The following PKD1L3 variants were observed in gnomAD, a reference collection of about 807,000 sequenced individuals.
PKD1L3 encodes polycystin 1 like 3, transient receptor potential channel interacting, also known as polycystin-1-like protein 3.
In PKD1L3, 239 loss-of-function variants were observed where a neutral mutation model predicts 184.1. The ratio of observed to expected loss-of-function variants is 1.30; its 90% CI spans 1.17 to 1.45. PKD1L3 has a LOEUF of 1.45. Among genes scored for constraint, PKD1L3 ranks in the 40% most tolerant of loss-of-function variants. The probability of loss-of-function intolerance (pLI) is 0.00; values close to 1 mark genes in which losing one functional copy is unlikely to be tolerated. For missense variants in PKD1L3, 2,660 were observed against 2,067.2 expected, an observed-to-expected ratio of 1.29 and a Z score of -5.56; for synonymous variants, 996 against 778.8, an observed-to-expected ratio of 1.28 and a Z score of -4.64.
Position 71,954,133 on chromosome 16 carries a change from G to C in PKD1L3, c.2781C>G (p.Asn927Lys), listed in dbSNP as rs1567509363. ...GCTCATCTCTCTTGGCAGTGGTGCT[G>C]TTTATCTTCCAGAACATAACATTGA... ...MVINVMFWKI[N>K]STTAKRDEQM... The change falls in exon 17 of 30, where the codon AAC becomes AAG. Residue 927 changes from asparagine (N) to lysine (K), a missense_variant. Physicochemically the swap from Asn to Lys is moderately conservative, Grantham distance 94 (BLOSUM62 0). Coordinates refer to ENST00000620267, the MANE Select transcript of PKD1L3 (RefSeq NM_181536.2). 6.5e-7 allele frequency: 1 copy of C among 1,547,822 alleles called. No individual in the cohort carries two copies. Among genetic ancestry groups the C allele is most frequent in the Non-Finnish European group, 8.7e-7 (1 of 1,145,552 alleles).
Position 71,984,128 on chromosome 16 carries a change from G to A in PKD1L3, c.874C>T (p.His292Tyr). ...AGTTTGTTAAGAGCTTGCAAACCAT[G>A]AACTGCTCTGCTGAAGTTCCCTGCT... Reference protein sequence around the residue: ...EIAGNFSRAVHGLQALNKLQE... With the variant: ...EIAGNFSRAVYGLQALNKLQE... Residue 292 changes from histidine to tyrosine, a missense_variant, in exon 6 of 30, where the codon CAT becomes TAT. Physicochemically the swap from His to Tyr is moderately conservative, Grantham distance 83. Transcript: ENST00000620267. 2.6e-6 allele frequency: 4 copies of A among 1,551,870 alleles called. No homozygotes were observed. Among genetic ancestry groups the A allele is most frequent in the South Asian group, 1.2e-5 (1 of 84,042 alleles).
At chr16:71,990,414 C>T in intron 3 of PKD1L3, 85 bp from the exon 4 acceptor site, 1 of 1,165,484 alleles carries the variant, frequency 8.6e-7, no homozygotes, top group Non-Finnish European at 1.2e-6. Context: ...TTATTCATGG[C>T]TAAAAATAAT....
At chr16:71,955,042 G>GA (rs150224786) in intron 16 of PKD1L3, among the ~76,000 whole-genome samples, 7,979 of 152,008 alleles carry the variant, frequency 0.052, 721 homozygotes, top group African/African-American at 0.18. Flanking sequence ...AAGGAGGTGA[G>GA]AAAAAAAGGA....
intron 28 of PKD1L3, chr16:71,931,126 T>A (rs186938773): frequency 6.6e-6 from 1 of 152,374 alleles, no homozygotes; most frequent in African/African-American, 2.4e-5. Flanking sequence ...TTATGTTTAC[T>A]GTATTTTTAT....
At chr16:71,938,348 G>C (rs945272929) in intron 24 of PKD1L3, among the ~76,000 whole-genome samples, 3 of 152,246 alleles carry the variant, frequency 2.0e-5, no homozygotes, top group African/African-American at 7.2e-5. Context: ...GGAGGGTAAG[G>C]GGGGGCTGAG....
chr16:71,977,958 G>C (rs555321101), intron 10 of PKD1L3, among the ~76,000 whole-genome samples: 4 of 152,158 alleles, frequency 2.6e-5, no homozygotes, highest in East Asian at 1.9e-4. Flanking sequence ...ATTTTTAGTA[G>C]AGATGGGGTT....
At chr16:71,972,741 C>A (rs945492628) in intron 12 of PKD1L3, among the ~76,000 whole-genome samples, 1 of 152,160 alleles carries the variant, frequency 6.6e-6, no homozygotes, top group African/African-American at 2.4e-5. Flanking sequence ...ACTTTCTCAG[C>A]TCTTTTTAGA....
Position 71,998,380 on chromosome 16 carries a change from T to G in PKD1L3, c.310A>C (p.Asn104His). Residue 104 changes from asparagine to histidine, a missense_variant, in exon 2 of 30, where the codon AAC becomes CAC. Physicochemically the swap from Asn to His is moderately conservative, Grantham distance 68. Transcript: ENST00000620267. ...CAGCTGAGGGGCTTTGGGGGCCCGT[T>G]GGCTGCAACGTCTGCTGAGGGGAGA... ...DNKYPADVAA[N>H]GPPKPLSCTY... is the part of the protein sequence containing the mutation. 1 of 1,551,590 alleles carries G rather than the reference T, an allele frequency of 6.4e-7. No homozygotes were observed. The highest frequency in any genetic ancestry group is 1.2e-5 in the South Asian group (1 of 84,056).
intron 24 of PKD1L3, among the ~76,000 whole-genome samples, chr16:71,938,475 G>C (rs561275328): frequency 1.3e-5 from 2 of 152,370 alleles, no homozygotes; most frequent in South Asian, 4.1e-4. Context: ...CAGGTCCCCA[G>C]TAAAGCCCCA....
At chr16:71,983,659 CTTTCTTTT>C (rs1190179144) in intron 6 of PKD1L3, among the ~76,000 whole-genome samples, 6 of 92,434 alleles carry the variant, frequency 6.5e-5, no homozygotes, top group East Asian at 6.8e-4. Flanking sequence ...TCCAGATTCT[CTTTCTTTT>C]TTTTTTTTTT....
intron 25 of PKD1L3, 104 bp from the exon 26 acceptor site, chr16:71,935,622 C>G: frequency 9.3e-7 from 1 of 1,079,726 alleles, no homozygotes; most frequent in Non-Finnish European, 1.3e-6. Context: ...GCAAAGCACA[C>G]TGCCAGGCAT....
Position 71,951,606 on chromosome 16 carries a change from C to T in PKD1L3, c.3148G>A (p.Gly1050Ser). Reference protein sequence around the residue: ...LSSLVSSHLEGQGCHQQGERH... With the variant: ...LSSLVSSHLESQGCHQQGERH... ...TCTCCCTGCTGATGACAGCCTTGAC[C>T]CTCCAAGTGAGATGATACGAGGCTG... The change falls in exon 19 of 30, where the codon GGT becomes AGT. Residue 1050 changes from glycine (G) to serine (S), a missense_variant. By Grantham distance (56) the Gly-to-Ser change is moderately conservative (BLOSUM62 0). Transcript: ENST00000620267. 2 of 1,551,734 alleles carry T rather than the reference C, an allele frequency of 1.3e-6. No homozygotes were observed. The highest frequency in any genetic ancestry group is 1.7e-6 in the Non-Finnish European group (2 of 1,146,962).
At position 71,978,245 on chromosome 16, in the gene PKD1L3, C is replaced by T. The variant is rs1597354703; in HGVS notation, c.1527+10G>A. 1 of 1,546,600 alleles carries T rather than the reference C, an allele frequency of 6.5e-7. No homozygotes were observed. The highest frequency in any genetic ancestry group is 2.5e-5 in the East Asian group (1 of 40,672). Reference sequence around the variant, plus strand: ...CTCTTCTATTTTATTCCCTAAGAATCAGTTCCTACCTCAATGTCCTCCATT... The same window carrying T: ...CTCTTCTATTTTATTCCCTAAGAATTAGTTCCTACCTCAATGTCCTCCATT... On this transcript the variant is annotated intron_variant, in intron 10 of 29. Coordinates refer to ENST00000620267, the MANE Select transcript of PKD1L3 (RefSeq NM_181536.2).
At chr16:71,971,432 C>T (rs1397596336) in intron 12 of PKD1L3, among the ~76,000 whole-genome samples, 3 of 152,106 alleles carry the variant, frequency 2.0e-5, no homozygotes, top group Admixed American at 2.0e-4. Flanking sequence ...CTTTCCATGG[C>T]ACAGAATTAA....
intron 16 of PKD1L3, among the ~76,000 whole-genome samples, chr16:71,962,422 C>A (rs769641809): frequency 3.3e-5 from 5 of 152,280 alleles, no homozygotes; most frequent in Non-Finnish European, 7.4e-5. Flanking sequence ...GAAGTTGATA[C>A]GTATATTATA....
At chr16:71,979,443 C>CAACAAAACAAAACAA (rs71391429) in intron 9 of PKD1L3, among the ~76,000 whole-genome samples, 7 of 150,096 alleles carry the variant, frequency 4.7e-5, no homozygotes, top group Admixed American at 3.3e-4. Context: ...GACTCCATCT[C>CAACAAAACAAAACAA]AACAAAACAA....
At chr16:71,951,502 G>T in intron 19 of PKD1L3, 62 bp downstream of exon 19, 1 of 1,448,432 alleles carries the variant, frequency 6.9e-7, no homozygotes, top group South Asian at 1.4e-5. Flanking sequence ...AAGAAAGTAA[G>T]ACATATGCAA....
chr16:71,986,615 G>C, intron 4 of PKD1L3, 146 bp from the exon 5 acceptor site: 1 of 922,846 alleles, frequency 1.1e-6, no homozygotes, highest in Non-Finnish European at 1.6e-6. Flanking sequence ...TGCTCAAACA[G>C]AATTTTGAAA....
At chr16:71,954,545 T>A (rs1314411978) in intron 16 of PKD1L3, among the ~76,000 whole-genome samples, 1 of 152,234 alleles carries the variant, frequency 6.6e-6, no homozygotes, top group South Asian at 2.1e-4. Context: ...GGATAATTTA[T>A]ATGCTATGCG....
Sources: allele counts gnomAD v4.1 joint callset (sites outside exome capture counted in the v4.1 genomes callset), GRCh38; gene constraint gnomAD v4.1.1; transcripts MANE v1.5; gene names NCBI Gene and HGNC (gene_info 2026-07-23, HGNC 2026-07-21).